Variants in PCDHA8 observed in about 807,000 individuals in gnomAD.
PCDHA8 encodes the protein protocadherin alpha 8, also known as protocadherin alpha-8.
Under a neutral mutation model 61.8 loss-of-function variants are expected in PCDHA8, and 53 were observed. The observed-to-expected ratio is 0.86, with a 90% CI of 0.69 to 1.08. The LOEUF (loss-of-function observed/expected upper bound fraction) is 1.08, where lower values mean the gene tolerates loss of function less well. Ranked by LOEUF, PCDHA8 falls within the 50% of genes least tolerant of loss-of-function variation. PCDHA8 has a pLI of 0.00. For missense variants in PCDHA8, 1,293 were observed against 1,245.0 expected, an observed-to-expected ratio of 1.04 and a Z score of -0.58; for synonymous variants, 618 against 556.6, an observed-to-expected ratio of 1.11 and a Z score of -1.55.
intron 1 of PCDHA8, chr5:140,848,358 G>A: frequency 9.5e-7 from 1 of 1,051,266 alleles, no homozygotes; most frequent in East Asian, 2.4e-5. Flanking sequence ...CTTTTCCCAT[G>A]GGAAAGAGGC....
intron 1 of PCDHA8, chr5:140,883,431 C>T: frequency 6.2e-7 from 1 of 1,614,172 alleles, no homozygotes. Flanking sequence ...GTCACCTGCA[C>T]CTTGACGCCG....
chr5:140,879,596 A>G (rs1324407694), intron 1 of PCDHA8, among the ~76,000 whole-genome samples: 1 of 152,240 alleles, frequency 6.6e-6, no homozygotes, highest in East Asian at 1.9e-4. Flanking sequence ...TGAAAAGTGA[A>G]AAACAATGTG....
intron 1 of PCDHA8, among the ~76,000 whole-genome samples, chr5:140,902,760 T>G (rs887357298): frequency 1.4e-4 from 22 of 152,038 alleles, no homozygotes; most frequent in African/African-American, 5.3e-4. Context: ...ATCATTCTTA[T>G]GTCTTTGCAT....
At chr5:140,851,602 G>A in intron 1 of PCDHA8, 1 of 918,032 alleles carries the variant, frequency 1.1e-6, no homozygotes, top group Non-Finnish European at 1.3e-6. Flanking sequence ...TCAGTTTACA[G>A]AAATTGGAGA....
chr5:140,914,145 G>A lies in PCDHA8; in HGVS notation c.2395-64804G>A, dbSNP rs2076623510. Among the ~76,000 whole-genome samples the A allele has an allele frequency of 3.3e-5, 5 of 152,138 alleles. 1 individual carries two copies. The South Asian group carries it at 1.0e-3, about 32-fold the overall frequency. On this transcript the variant is annotated intron_variant, in intron 1 of 3. Transcript: ENST00000531613. ...TTCTTTGTTGAGTTTTTGTCTGTCAGTTCTGTCCAATACGGAAAGTGGGGT... is the reference window on the plus strand; with the variant it reads ...TTCTTTGTTGAGTTTTTGTCTGTCAATTCTGTCCAATACGGAAAGTGGGGT...
intron 1 of PCDHA8, among the ~76,000 whole-genome samples, chr5:140,972,039 C>A (rs1274808907): frequency 2.6e-5 from 4 of 152,150 alleles, no homozygotes; most frequent in African/African-American, 9.7e-5. Context: ...TTTAAGCTAT[C>A]ACTAATTCAC....
chr5:140,979,058 C>A, intron 2 of PCDHA8, 51 bp downstream of exon 2: 3 of 1,606,096 alleles, frequency 1.9e-6, no homozygotes, highest in Non-Finnish European at 2.6e-6. Context: ...CTTGGTATGG[C>A]TCAGATAAAC....
intron 1 of PCDHA8, chr5:140,869,565 A>G: frequency 6.2e-7 from 1 of 1,614,190 alleles, no homozygotes; most frequent in Non-Finnish European, 8.5e-7. Flanking sequence ...GTTTTCCACT[A>G]GAGGGAGCTT....
intron 1 of PCDHA8, among the ~76,000 whole-genome samples, chr5:140,964,690 A>G (rs1554227180): frequency 2.6e-5 from 4 of 152,036 alleles, no homozygotes. Context: ...TGTGCACTTG[A>G]GAGATTAAGG....
At chr5:140,976,566 A>C (rs2096723160) in intron 1 of PCDHA8, among the ~76,000 whole-genome samples, 2 of 152,098 alleles carry the variant, frequency 1.3e-5, no homozygotes, top group African/African-American at 4.8e-5. Flanking sequence ...TAAATAAATA[A>C]ATATAAATAA....
intron 3 of PCDHA8, 104 bp from the exon 4 acceptor site, chr5:141,009,523 G>A: frequency 6.7e-7 from 1 of 1,502,140 alleles, no homozygotes; most frequent in Non-Finnish European, 8.9e-7. Flanking sequence ...GATTTTTCTG[G>A]GGAGGTTCAG....
intron 1 of PCDHA8, chr5:140,849,996 G>T (rs2150462323): frequency 6.3e-7 from 1 of 1,597,124 alleles, no homozygotes; most frequent in East Asian, 2.2e-5. Context: ...GCGGTTGGGC[G>T]AGCGCTCGCT....
chr5:140,862,448 C>A (rs2047370091), intron 1 of PCDHA8: 1 of 362,316 alleles, frequency 2.8e-6, no homozygotes. Flanking sequence ...TACTCCACAG[C>A]GCCCTGGACC....
intron 1 of PCDHA8, among the ~76,000 whole-genome samples, chr5:140,909,546 A>T (rs1322878685): frequency 6.6e-6 from 1 of 152,180 alleles, no homozygotes; most frequent in African/African-American, 2.4e-5. Flanking sequence ...TGATGGTGGC[A>T]CTAATCTCTG....
At chr5:140,976,597 G>A (rs1477005420) in intron 1 of PCDHA8, among the ~76,000 whole-genome samples, 1 of 152,062 alleles carries the variant, frequency 6.6e-6, no homozygotes, top group South Asian at 2.1e-4. Flanking sequence ...TTTGTGTTAA[G>A]GGGACCTAAA....
At chr5:140,948,868 G>A (rs191976148) in intron 1 of PCDHA8, among the ~76,000 whole-genome samples, 20 of 151,330 alleles carry the variant, frequency 1.3e-4, no homozygotes, top group African/African-American at 4.8e-4. Context: ...ATTACTTCGG[G>A]TTTACTTTGC....
intron 1 of PCDHA8, among the ~76,000 whole-genome samples, chr5:140,873,786 G>A (rs1354744282): frequency 3.3e-5 from 5 of 152,056 alleles, no homozygotes; most frequent in Non-Finnish European, 7.4e-5. Flanking sequence ...TCAGCTTTCC[G>A]AGAAGCTGGG....
intron 1 of PCDHA8, among the ~76,000 whole-genome samples, chr5:140,945,698 T>C (rs530742031): frequency 3.9e-5 from 6 of 152,046 alleles, no homozygotes; most frequent in Non-Finnish European, 8.8e-5. Flanking sequence ...GTCCACTGAT[T>C]TGCAACAAAA....
chr5:140,953,293 G>A (rs1410676265), intron 1 of PCDHA8, among the ~76,000 whole-genome samples: 3 of 152,084 alleles, frequency 2.0e-5, no homozygotes, highest in Admixed American at 2.0e-4. Context: ...GTGATTCAGG[G>A]ACGGCAGAGA....
Sources: gnomAD v4.1 joint callset for allele counts (sites outside exome capture counted in the v4.1 genomes callset) on GRCh38, gnomAD v4.1.1 for gene constraint, MANE v1.5 for transcripts, NCBI Gene and HGNC (gene_info 2026-07-23, HGNC 2026-07-21) for gene names.